SUCLG2: variants seen among roughly 807,000 people sequenced by gnomAD.
SUCLG2 encodes the protein succinate--CoA ligase [GDP-forming] subunit beta, mitochondrial.
Under a neutral mutation model 47.9 loss-of-function variants are expected in SUCLG2, and 42 were observed. That is an observed-to-expected ratio of 0.88 (90% confidence interval 0.69 to 1.14). The LOEUF is 1.14. Ranked by LOEUF, SUCLG2 falls within the 50% of genes most tolerant of loss-of-function variation. The pLI is 0.00. For synonymous variants in SUCLG2, 195 were observed against 197.3 expected (o/e 0.99, Z 0.10); for missense variants, 571 against 525.9 (o/e 1.09, Z -0.84).
intron 3 of SUCLG2, among the ~76,000 whole-genome samples, chr3:67,528,776 A>G (rs1706322344): frequency 6.6e-6 from 1 of 152,164 alleles, no homozygotes; most frequent in Admixed American, 6.5e-5. Flanking sequence ...GTCCTTGAAT[A>G]GAGGAGTGAC....
chr3:67,446,587 G>A (rs1373635800), intron 9 of SUCLG2, among the ~76,000 whole-genome samples: 1 of 149,874 alleles, frequency 6.7e-6, no homozygotes, highest in Non-Finnish European at 1.5e-5. Context: ...CTGCCACCAC[G>A]CCTGGCTAAT....
chr3:67,515,353 A>C (rs142981280), intron 6 of SUCLG2, among the ~76,000 whole-genome samples: 1 of 152,228 alleles, frequency 6.6e-6, no homozygotes, highest in Non-Finnish European at 1.5e-5. Flanking sequence ...ATAAGGGGGA[A>C]CTACTATATT....
chr3:67,390,204 A>G (rs1702349686), intron 10 of SUCLG2, among the ~76,000 whole-genome samples: 1 of 152,232 alleles, frequency 6.6e-6, no homozygotes, highest in African/African-American at 2.4e-5. Flanking sequence ...CTGTGAATAA[A>G]GTAAGTGGCC....
At chr3:67,400,701 C>T in intron 10 of SUCLG2, 30 bp downstream of exon 10, 2 of 1,607,034 alleles carry the variant, frequency 1.2e-6, no homozygotes, top group Middle Eastern at 2.3e-4. Context: ...AGAAGGGGTG[C>T]TGGCACAGCG....
At chr3:67,621,171 A>G (rs934693613) in intron 1 of SUCLG2, among the ~76,000 whole-genome samples, 13 of 152,200 alleles carry the variant, frequency 8.5e-5, no homozygotes, top group African/African-American at 3.1e-4. Flanking sequence ...CTGTGTTCCA[A>G]TAAAGCTTTA....
intron 1 of SUCLG2, among the ~76,000 whole-genome samples, chr3:67,627,651 G>A (rs570862545): frequency 1.3e-5 from 2 of 152,336 alleles, no homozygotes; most frequent in Admixed American, 6.5e-5. Context: ...GCACACTATA[G>A]GGAGACTAAA....
intron 1 of SUCLG2, among the ~76,000 whole-genome samples, chr3:67,651,058 T>G (rs1701277143): frequency 6.6e-6 from 1 of 152,202 alleles, no homozygotes; most frequent in Admixed American, 6.5e-5. Flanking sequence ...CTACCAGGAT[T>G]TAGGTCTTTG....
chr3:67,497,139 T>A (rs1705367648), intron 8 of SUCLG2, among the ~76,000 whole-genome samples: 1 of 152,190 alleles, frequency 6.6e-6, no homozygotes, highest in African/African-American at 2.4e-5. Flanking sequence ...ATCTGGTACA[T>A]TATAGTTATT....
At chr3:67,381,302 G>A (rs958437494) in intron 10 of SUCLG2, among the ~76,000 whole-genome samples, 16 of 152,202 alleles carry the variant, frequency 1.1e-4, no homozygotes, top group African/African-American at 3.4e-4. Flanking sequence ...CCTTGGAAAT[G>A]ACTGTGAGTT....
chr3:67,554,098 T>C (rs1368897571), intron 2 of SUCLG2, among the ~76,000 whole-genome samples: 1 of 152,108 alleles, frequency 6.6e-6, no homozygotes, highest in Non-Finnish European at 1.5e-5. Flanking sequence ...GTAGGTGTGA[T>C]TTTTTGCATG....
chr3:67,557,906 G>A (rs896604246), intron 2 of SUCLG2, among the ~76,000 whole-genome samples: 1 of 152,164 alleles, frequency 6.6e-6, no homozygotes, highest in African/African-American at 2.4e-5. Context: ...ACACTAGTTT[G>A]CAAAATAACA....
intron 9 of SUCLG2, among the ~76,000 whole-genome samples, chr3:67,427,460 T>C (rs2106874741): frequency 6.6e-6 from 1 of 152,334 alleles, no homozygotes; most frequent in East Asian, 1.9e-4. Flanking sequence ...CAATTGACTA[T>C]CTAGTTGGTA....
rs188334781 is a variant in SUCLG2, at chr3:67,416,069, T to C, written c.1063-15218A>G. On this transcript the variant is annotated intron_variant, in intron 9 of 10. Coordinates refer to ENST00000307227, the MANE Select transcript of SUCLG2 (RefSeq NM_003848.4). The stretch of plus-strand genomic sequence containing the variant: ...GTGAGTCATTTTGGAAGCAGATTGA[T>C]CCTCTAGCCCCAGTCAATCAAGTCT... Among the ~76,000 whole-genome samples, 54 of 152,296 alleles carry C rather than the reference T, an allele frequency of 3.5e-4. 2 individuals carry two copies. Among genetic ancestry groups the C allele is most frequent in the African/African-American group, 1.2e-3 (50 of 41,572 alleles).
chr3:67,550,776 G>A (rs557241595), intron 2 of SUCLG2, among the ~76,000 whole-genome samples: 21 of 152,322 alleles, frequency 1.4e-4, no homozygotes, highest in African/African-American at 4.3e-4. Flanking sequence ...TAGAACTCAC[G>A]CTTTGTCCCC....
At chr3:67,563,959 C>CAAAAAAAAAAAAAAAAAA (rs756674869) in intron 2 of SUCLG2, among the ~76,000 whole-genome samples, 2 of 78,172 alleles carry the variant, frequency 2.6e-5, no homozygotes, top group African/African-American at 4.6e-5. Context: ...GACTCTGTCT[C>CAAAAAAAAAAAAAAAAAA]AAAAAAAAAA....
chr3:67,464,352 G>A (rs932243580), intron 9 of SUCLG2, among the ~76,000 whole-genome samples: 3 of 152,208 alleles, frequency 2.0e-5, no homozygotes, highest in African/African-American at 7.2e-5. Context: ...TTACAAGCGT[G>A]TGTATGCATC....
At chr3:67,361,349 A>G (rs766509036) in intron 10 of SUCLG2, among the ~76,000 whole-genome samples, 8 of 152,248 alleles carry the variant, frequency 5.3e-5, no homozygotes, top group Admixed American at 1.3e-4. Context: ...TCTCACAGGA[A>G]TACAAAATGT....
chr3:67,649,146 G>A (rs1701242489), intron 1 of SUCLG2, among the ~76,000 whole-genome samples: 1 of 152,182 alleles, frequency 6.6e-6, no homozygotes, highest in Non-Finnish European at 1.5e-5. Context: ...ACAGAGATCA[G>A]GCAATGAATG....
intron 10 of SUCLG2, among the ~76,000 whole-genome samples, chr3:67,367,023 G>C (rs1284960588): frequency 6.6e-6 from 1 of 152,120 alleles, no homozygotes; most frequent in East Asian, 1.9e-4. Flanking sequence ...ACATGAAAAA[G>C]TCATCAATAA....
Sources: gnomAD v4.1 joint callset for allele counts (sites outside exome capture counted in the v4.1 genomes callset) on GRCh38, gnomAD v4.1.1 for gene constraint, MANE v1.5 for transcripts, NCBI Gene and HGNC (gene_info 2026-07-23, HGNC 2026-07-21) for gene names.